The following VIT variants were observed in gnomAD, a reference collection of about 807,000 sequenced individuals.
VIT encodes vitrin.
In VIT, 99 loss-of-function variants were observed where a neutral mutation model predicts 78.0. That is an observed-to-expected ratio of 1.27 (90% CI 1.08 to 1.50). VIT has a LOEUF of 1.50. VIT is among the 40% of genes most tolerant of loss of function. The pLI, the probability that VIT is intolerant of heterozygous loss-of-function variation, is 0.00. For synonymous variants in VIT, 374 were observed against 334.3 expected, an observed-to-expected ratio of 1.12 and a Z score of -1.29; for missense variants, 1,126 against 875.3, an observed-to-expected ratio of 1.29 and a Z score of -3.61.
At chr2:36,745,292 CA>C (rs1259554285) in intron 4 of VIT, among the ~76,000 whole-genome samples, 1 of 151,934 alleles carries the variant, frequency 6.6e-6, no homozygotes, top group Non-Finnish European at 1.5e-5. Context: ...TTTGGCTCTT[CA>C]GGCTCTTTTA....
chr2:36,715,655 A>G (rs1426695802), intron 1 of VIT, among the ~76,000 whole-genome samples: 1 of 152,226 alleles, frequency 6.6e-6, no homozygotes, highest in Non-Finnish European at 1.5e-5. Flanking sequence ...ACTAGACCCA[A>G]AGCCAAGAGA....
intron 2 of VIT, among the ~76,000 whole-genome samples, chr2:36,727,800 G>T (rs897458912): frequency 1.3e-5 from 2 of 152,196 alleles, no homozygotes; most frequent in African/African-American, 4.8e-5. Context: ...CATGTGTGTG[G>T]TGATGTTGTG....
chr2:36,731,841 T>C (rs1409159796), intron 3 of VIT, among the ~76,000 whole-genome samples: 7 of 152,212 alleles, frequency 4.6e-5, no homozygotes, highest in Non-Finnish European at 1.0e-4. Context: ...AACTTTCTTA[T>C]AGGCATTAAA....
At chr2:36,769,421 A>T (rs1053629307) in intron 7 of VIT, among the ~76,000 whole-genome samples, 1 of 152,180 alleles carries the variant, frequency 6.6e-6, no homozygotes, top group African/African-American at 2.4e-5. Flanking sequence ...AGCTTTGGAC[A>T]ACAGCCTCCT....
intron 9 of VIT, among the ~76,000 whole-genome samples, chr2:36,776,687 C>T (rs867547997): frequency 2.0e-5 from 3 of 151,974 alleles, no homozygotes; most frequent in South Asian, 4.2e-4. Flanking sequence ...CCCAGTTACT[C>T]GGGAGGCTGA....
chr2:36,787,467 TGAAG>T (rs1256135595), intron 12 of VIT, among the ~76,000 whole-genome samples, 191 bp downstream of exon 12: 19 of 152,230 alleles, frequency 1.2e-4, no homozygotes, highest in African/African-American at 4.6e-4. Flanking sequence ...TGAGACTTCC[TGAAG>T]GAAGGGACAG....
chr2:36,787,372 C>T, intron 12 of VIT, 96 bp downstream of exon 12: 1 of 1,453,986 alleles, frequency 6.9e-7, no homozygotes, highest in South Asian at 1.4e-5. Flanking sequence ...ATATTACCAA[C>T]ATGTCCTTGA....
At chr2:36,702,176 G>A (rs553614640) in intron 1 of VIT, among the ~76,000 whole-genome samples, 2 of 152,302 alleles carry the variant, frequency 1.3e-5, no homozygotes, top group South Asian at 4.1e-4. Context: ...AGAGGGAAAA[G>A]CAAATGAAAC....
rs528195403 is a variant in VIT, at chr2:36,805,814, G to C, written c.1389+150G>C. 2.0e-5 allele frequency: 16 copies of C among 805,792 alleles called. No homozygotes were observed. In the African/African-American group the frequency reaches 2.6e-4, roughly 13 times the overall value. The allele number at this position is 805,792 out of a possible 1,614,324, so 49.9% of individuals were successfully genotyped here. On this transcript the variant is annotated intron_variant, in intron 14 of 15. Coordinates refer to ENST00000379242, the MANE Select transcript of VIT (RefSeq NM_053276.4). ...CCTCCAGGGAGGGACTGGTCAATCC[G>C]AAACCTGCAATTACCCTCTCAAAGC...
chr2:36,734,113 G>A (rs887537093), intron 3 of VIT, among the ~76,000 whole-genome samples: 1 of 152,178 alleles, frequency 6.6e-6, no homozygotes, highest in African/African-American at 2.4e-5. Flanking sequence ...AAAAACTACA[G>A]GGGTGGGCCC....
intron 1 of VIT, among the ~76,000 whole-genome samples, chr2:36,707,537 G>A (rs887440195): frequency 5.3e-5 from 8 of 152,208 alleles, no homozygotes; most frequent in African/African-American, 1.9e-4. Flanking sequence ...TGGAGCAATT[G>A]CCAGCAAGCG....
At position 36,805,678 on chromosome 2, in the gene VIT, C is replaced by T. The variant is rs141520296; in HGVS notation, c.1389+14C>T. ...TTTGCAAACAAGGTAGATGACTGCCCGGAGACCTACCCAACATCAGGATTT... is the reference window on the plus strand; with the variant it reads ...TTTGCAAACAAGGTAGATGACTGCCTGGAGACCTACCCAACATCAGGATTT... On this transcript the variant is annotated intron_variant, in intron 14 of 15. Transcript: ENST00000379242. The T allele has an allele frequency of 3.4e-5, 54 of 1,604,390 alleles. No individual in the cohort carries two copies. In the African/African-American group the frequency reaches 3.9e-4, roughly 12 times the overall value.
At chr2:36,724,059 C>G (rs925080698) in intron 2 of VIT, among the ~76,000 whole-genome samples, 2 of 151,418 alleles carry the variant, frequency 1.3e-5, no homozygotes, top group Admixed American at 6.6e-5. Context: ...ACTCTTGTTG[C>G]CCAGGCTGGA....
intron 5 of VIT, among the ~76,000 whole-genome samples, chr2:36,757,378 G>A (rs1668830464): frequency 6.6e-6 from 1 of 152,172 alleles, no homozygotes; most frequent in Non-Finnish European, 1.5e-5. Context: ...ATGTCAGTGA[G>A]GGACCCCCTA....
intron 7 of VIT, among the ~76,000 whole-genome samples, chr2:36,770,810 A>T (rs2148593810): frequency 6.6e-6 from 1 of 152,288 alleles, no homozygotes. Context: ...TCATTTCAAG[A>T]CATGCCATGG....
At chr2:36,735,034 G>T (rs959642386) in intron 3 of VIT, among the ~76,000 whole-genome samples, 1 of 152,070 alleles carries the variant, frequency 6.6e-6, no homozygotes, top group Non-Finnish European at 1.5e-5. Context: ...CGTGGTGGCA[G>T]GCACCTGTAA....
chr2:36,728,095 A>T (rs998944034), intron 2 of VIT, among the ~76,000 whole-genome samples: 2 of 151,660 alleles, frequency 1.3e-5, no homozygotes, highest in Non-Finnish European at 2.9e-5. Context: ...CTCCCAGCTA[A>T]TATTTTTGTA....
chr2:36,801,404 G>C lies in VIT; in HGVS notation c.1162G>C (p.Gly388Arg). 6.2e-7 allele frequency: 1 copy of C among 1,606,024 alleles called. No homozygotes were observed. The highest frequency in any genetic ancestry group is 8.5e-7 in the Non-Finnish European group (1 of 1,173,090). ...TCAGAGAGGAGGACTTTCTAATGTA[G>C]GTATGTGATCCGGATTCAAATTATA... ...ITQRGGLSNV[G>R]RAISFVTKNF... Residue 388 changes from glycine (G) to arginine (R), a missense_variant and splice_region_variant, in exon 13 of 16, where the codon GGT (glycine) becomes CGT (arginine). Coordinates refer to ENST00000379242, the MANE Select transcript of VIT (RefSeq NM_053276.4).
At chr2:36,708,956 C>T (rs559304337) in intron 1 of VIT, among the ~76,000 whole-genome samples, 28 of 152,200 alleles carry the variant, frequency 1.8e-4, no homozygotes, top group African/African-American at 6.3e-4. Context: ...TCGAGACGAG[C>T]GTGACCAACA....
Sources: allele counts gnomAD v4.1 joint callset (sites outside exome capture counted in the v4.1 genomes callset), GRCh38; gene constraint gnomAD v4.1.1; transcripts MANE v1.5; gene names NCBI Gene and HGNC (gene_info 2026-07-23, HGNC 2026-07-21).